LAT2: variants seen among roughly 807,000 people sequenced by gnomAD.
LAT2 encodes the protein linker for activation of T cells family member 2, also known as linker for activation of T-cells family member 2.
A neutral mutation model predicts 43.4 loss-of-function variants in LAT2; 23 were observed. The ratio of observed to expected loss-of-function variants is 0.53; its 90% CI spans 0.38 to 0.75. The LOEUF is 0.75. Among genes scored for constraint, LAT2 ranks in the 30% least tolerant of loss-of-function variants. LAT2 has a pLI of 0.00. For synonymous variants in LAT2, 128 were observed against 123.2 expected (o/e 1.04, Z -0.26); for missense variants, 284 against 310.2 (o/e 0.92, Z 0.64).
intron 4 of LAT2, among the ~76,000 whole-genome samples, chr7:74,217,952 T>C (rs1170776891): frequency 4.6e-5 from 7 of 152,278 alleles, no homozygotes; most frequent in Admixed American, 3.9e-4. Context: ...GGTTAGACCT[T>C]TCTGGGTCTT....
intron 13 of LAT2, chr7:74,225,014 C>T (rs1259203587): frequency 3.0e-6 from 1 of 330,212 alleles, no homozygotes; most frequent in Admixed American, 4.5e-5. Flanking sequence ...CCCAACTCCA[C>T]TGCATCCTCC....
At chr7:74,221,785 G>T in intron 10 of LAT2, 93 bp downstream of exon 10, 1 of 1,153,704 alleles carries the variant, frequency 8.7e-7, no homozygotes, top group Non-Finnish European at 1.3e-6. Flanking sequence ...GCTGGGCCTG[G>T]GTTCGGGTAA....
chr7:74,220,647 G>A lies in LAT2; in HGVS notation c.301+28G>A, dbSNP rs1554715062. 6.2e-7 allele frequency: 1 copy of A among 1,613,972 alleles called. No homozygotes were observed. The highest frequency in any genetic ancestry group is 2.2e-5 in the East Asian group (1 of 44,888). ...AGGTAGGCTCCTGGAGAAAGGGGGAGGCCATGGTGGGGGCCACACCCAGGG... is the reference window on the plus strand; with the variant it reads ...AGGTAGGCTCCTGGAGAAAGGGGGAAGCCATGGTGGGGGCCACACCCAGGG... On this transcript the variant is annotated intron_variant, in intron 8 of 13. Transcript: ENST00000460943. The surrounding 1 kb of genome is among the most constrained non-coding windows in gnomAD (Gnocchi z 4.5).
intron 1 of LAT2, 31 bp from the exon 2 acceptor site, chr7:74,214,788 TATA>T (rs1801973269): frequency 1.1e-5 from 1 of 87,736 alleles, no homozygotes. Flanking sequence ...TATATATATA[TATA>T]TTTTTTTTTT....
chr7:74,211,527 G>A (rs1801736846), intron 1 of LAT2, among the ~76,000 whole-genome samples: 1 of 151,958 alleles, frequency 6.6e-6, no homozygotes, highest in African/African-American at 2.4e-5. Flanking sequence ...GTGCAATCTT[G>A]GCTCACTGCA....
chr7:74,216,559 A>G (rs1802054763), intron 3 of LAT2, among the ~76,000 whole-genome samples: 1 of 151,978 alleles, frequency 6.6e-6, no homozygotes, highest in South Asian at 2.1e-4. Flanking sequence ...TTTAGTAGAG[A>G]CGGGGTTTCC....
chr7:74,214,138 G>GAA (rs1476832384), intron 1 of LAT2, among the ~76,000 whole-genome samples: 21 of 43,438 alleles, frequency 4.8e-4, no homozygotes, highest in Non-Finnish European at 7.3e-4. Flanking sequence ...ATATATATAT[G>GAA]AAAATATATA....
Position 74,221,648 on chromosome 7 carries a change from C to T in LAT2, c.344C>T (p.Ala115Val), listed in dbSNP as rs2116164340. The change falls in exon 10 of 14, where the codon GCC becomes GTC. Residue 115 changes from alanine (A) to valine (V), a missense_variant. By Grantham distance (64) the Ala-to-Val change is moderately conservative. Coordinates refer to ENST00000460943, the MANE Select transcript of LAT2 (RefSeq NM_032464.3). ...GSEEAYIDPIAMEYYNWGRFS... is the reference protein window; with the variant it reads ...GSEEAYIDPIVMEYYNWGRFS... ...GTTTTCTTGGCCAGAGACCCCATTGCCATGGAGTATTACAACTGGGGGCGG... is the reference window on the plus strand; with the variant it reads ...GTTTTCTTGGCCAGAGACCCCATTGTCATGGAGTATTACAACTGGGGGCGG... 6.2e-7 allele frequency: 1 copy of T among 1,613,192 alleles called. No homozygotes were observed. Among genetic ancestry groups the T allele is most frequent in the South Asian group, 1.1e-5 (1 of 90,994 alleles).
At chr7:74,217,425 C>T (rs781836585) in intron 4 of LAT2, among the ~76,000 whole-genome samples, 10 of 151,506 alleles carry the variant, frequency 6.6e-5, no homozygotes, top group Admixed American at 1.3e-4. Flanking sequence ...AGCAAGATTC[C>T]GTCTCAGAAA....
At chr7:74,211,747 G>A (rs1429094712) in intron 1 of LAT2, among the ~76,000 whole-genome samples, 5 of 151,920 alleles carry the variant, frequency 3.3e-5, no homozygotes, top group African/African-American at 4.8e-5. Flanking sequence ...GTGAGCCACC[G>A]TGCCTGGCCT....
At chr7:74,223,954 C>A in intron 11 of LAT2, 64 bp from the exon 12 acceptor site, 1 of 1,549,528 alleles carries the variant, frequency 6.5e-7, no homozygotes, top group Non-Finnish European at 8.8e-7. Flanking sequence ...TCGGAGGCAG[C>A]TCTATTGGCT....
intron 10 of LAT2, 29 bp from the exon 11 acceptor site, chr7:74,223,695 C>T (rs782778778): frequency 6.2e-6 from 10 of 1,607,862 alleles, no homozygotes; most frequent in South Asian, 2.2e-5. Flanking sequence ...CTGCCCACAC[C>T]CCCGTGCCCA....
chr7:74,211,359 C>G (rs1163332123), intron 1 of LAT2, among the ~76,000 whole-genome samples: 1 of 152,194 alleles, frequency 6.6e-6, no homozygotes, highest in African/African-American at 2.4e-5. Context: ...TCACTGCAAC[C>G]TCCACCTCCC....
chr7:74,217,896 G>A (rs1219260500), intron 4 of LAT2, among the ~76,000 whole-genome samples: 3 of 152,198 alleles, frequency 2.0e-5, no homozygotes, highest in Non-Finnish European at 4.4e-5. Flanking sequence ...AAACCACAGT[G>A]AGATTTGAAA....
At chr7:74,219,199 G>A (rs1802164635) in intron 4 of LAT2, among the ~76,000 whole-genome samples, 1 of 151,572 alleles carries the variant, frequency 6.6e-6, no homozygotes, top group Non-Finnish European at 1.5e-5. Flanking sequence ...ACCGCGCCCG[G>A]CTAATTTTTT....
intron 4 of LAT2, among the ~76,000 whole-genome samples, chr7:74,218,723 C>A (rs1554714558): frequency 6.6e-6 from 1 of 152,154 alleles, no homozygotes; most frequent in African/African-American, 2.4e-5. Context: ...GAGATGGAGC[C>A]ACATTTACTT....
Position 74,220,220 on chromosome 7 carries a change from G to C in LAT2, c.231G>C (p.Lys77Asn). The change falls in exon 7 of 14, where the codon AAG becomes AAC. Residue 77 changes from lysine to asparagine, a missense_variant. Lys to Asn is a moderately conservative substitution (Grantham distance 94). Coordinates refer to ENST00000460943, the MANE Select transcript of LAT2 (RefSeq NM_032464.3). The surrounding 1 kb of genome is among the most constrained non-coding windows in gnomAD (Gnocchi z 4.5). The stretch of plus-strand genomic sequence containing the variant: ...CCCTCCTTCCCCCTCCCTGCAGGAA[G>C]GACAAGCTGTTGCAATTCTACCCCA... Reference protein sequence around the residue: ...GPLADMAPTRKDKLLQFYPSL... With the variant: ...GPLADMAPTRNDKLLQFYPSL... 1 of 1,610,514 alleles carries C rather than the reference G, an allele frequency of 6.2e-7. No individual in the cohort carries two copies. Among genetic ancestry groups the C allele is most frequent in the Non-Finnish European group, 8.5e-7 (1 of 1,177,840 alleles).
At chr7:74,216,513 A>G (rs1802053262) in intron 3 of LAT2, among the ~76,000 whole-genome samples, 1 of 152,114 alleles carries the variant, frequency 6.6e-6, no homozygotes, top group South Asian at 2.1e-4. Context: ...CTGGGACTAC[A>G]GGTGCCTGCC....
At chr7:74,222,070 G>A (rs566748440) in intron 10 of LAT2, among the ~76,000 whole-genome samples, 3 of 147,822 alleles carry the variant, frequency 2.0e-5, no homozygotes, top group African/African-American at 7.3e-5. Flanking sequence ...CCTGGTCGCT[G>A]AATGCCTTTG....
Sources: gnomAD v4.1 joint callset for allele counts (sites outside exome capture counted in the v4.1 genomes callset) on GRCh38, gnomAD v4.1.1 for gene constraint, Gnocchi (gnomAD v3.1) non-coding constraint, MANE v1.5 for transcripts, NCBI Gene and HGNC (gene_info 2026-07-23, HGNC 2026-07-21) for gene names.